The following LINGO2 variants were observed in gnomAD, a reference collection of about 807,000 sequenced individuals.
LINGO2 encodes leucine rich repeat and Ig domain containing 2.
In LINGO2, 14 loss-of-function variants were observed where a neutral mutation model predicts 30.6. That is an observed-to-expected ratio of 0.46 (90% CI 0.30 to 0.72). The LOEUF is 0.72. Among genes scored for constraint, LINGO2 ranks in the 30% least tolerant of loss-of-function variants. The pLI, the probability that LINGO2 is intolerant of heterozygous loss-of-function variation, is 0.07. For missense variants in LINGO2, 729 were observed against 751.7 expected, an observed-to-expected ratio of 0.97 and a Z score of 0.35; for synonymous variants, 317 against 288.5, an observed-to-expected ratio of 1.10 and a Z score of -1.00.
chr9:28,198,743 A>C (rs1820109102), intron 4 of LINGO2, among the ~76,000 whole-genome samples: 1 of 152,166 alleles, frequency 6.6e-6, no homozygotes, highest in South Asian at 2.1e-4. Flanking sequence ...GCTAAGAAAA[A>C]TGATGACCCT....
intron 1 of LINGO2, among the ~76,000 whole-genome samples, chr9:28,640,431 C>A (rs564064384): frequency 5.3e-5 from 8 of 151,878 alleles, no homozygotes; most frequent in Non-Finnish European, 1.2e-4. Context: ...AACTTGGTTC[C>A]ATTCTCCCCG....
upstream of LINGO2, among the ~76,000 whole-genome samples, chr9:28,671,403 G>C (rs1469924043): frequency 6.7e-6 from 1 of 149,168 alleles, no homozygotes; most frequent in African/African-American, 2.5e-5. Context: ...TGGCAGATTG[G>C]ATAAACAAAA....
intron 1 of LINGO2, among the ~76,000 whole-genome samples, chr9:28,613,552 G>T (rs148288585): frequency 1.3e-5 from 2 of 152,002 alleles, no homozygotes; most frequent in Non-Finnish European, 2.9e-5. Context: ...AATGTCAGGA[G>T]ATTGTATTTT....
At chr9:28,393,838 C>A (rs577829682) in intron 2 of LINGO2, among the ~76,000 whole-genome samples, 1 of 152,282 alleles carries the variant, frequency 6.6e-6, no homozygotes, top group South Asian at 2.1e-4. Context: ...TCCCAAGCAA[C>A]CTTCAGCTAA....
the LINGO2 span, among the ~76,000 whole-genome samples, chr9:28,828,302 T>C: frequency 4.0e-5 from 6 of 151,872 alleles, no homozygotes; most frequent in African/African-American, 9.7e-5. Flanking sequence ...CAAAATAAAA[T>C]ACAGAGGATT....
At chr9:28,011,264 A>G (rs1346326901) in intron 5 of LINGO2, among the ~76,000 whole-genome samples, 5 of 152,202 alleles carry the variant, frequency 3.3e-5, no homozygotes, top group African/African-American at 1.2e-4. Flanking sequence ...AATTTTTCGT[A>G]GGGAGGGAAA....
the LINGO2 span, among the ~76,000 whole-genome samples, chr9:28,788,328 A>G: frequency 2.0e-5 from 3 of 152,206 alleles, no homozygotes; most frequent in Admixed American, 6.5e-5. Flanking sequence ...AAGCTTTACC[A>G]TATTTTTAAA....
chr9:28,145,536 A>G (rs1166860163), intron 4 of LINGO2, among the ~76,000 whole-genome samples: 1 of 152,148 alleles, frequency 6.6e-6, no homozygotes, highest in African/African-American at 2.4e-5. Flanking sequence ...TCTGTACTCT[A>G]ATTCAGTTCT....
chr9:28,932,271 C>A, the LINGO2 span, among the ~76,000 whole-genome samples: 1 of 152,000 alleles, frequency 6.6e-6, no homozygotes, highest in African/African-American at 2.4e-5. Context: ...TGAAGTCTGG[C>A]AGTCTTTTTT....
chr9:28,432,709 C>T (rs1823727783), intron 2 of LINGO2, among the ~76,000 whole-genome samples: 1 of 152,038 alleles, frequency 6.6e-6, no homozygotes, highest in African/African-American at 2.4e-5. Flanking sequence ...ATCATGAATG[C>T]AGAATAGAAA....
At chr9:28,944,147 TTGTC>T in the LINGO2 span, among the ~76,000 whole-genome samples, 1 of 152,188 alleles carries the variant, frequency 6.6e-6, no homozygotes, top group Non-Finnish European at 1.5e-5. Context: ...ACAGTTATCT[TTGTC>T]TGTATGATAC....
the LINGO2 span, among the ~76,000 whole-genome samples, chr9:28,957,317 T>A: frequency 0.52 from 78,935 of 151,996 alleles, 21,613 homozygotes; most frequent in Non-Finnish European, 0.6. Context: ...TTACATACAA[T>A]TCCCCATGCA....
At chr9:28,453,586 A>G (rs1046378467) in intron 2 of LINGO2, among the ~76,000 whole-genome samples, 2 of 152,002 alleles carry the variant, frequency 1.3e-5, no homozygotes, top group Non-Finnish European at 2.9e-5. Context: ...AAAAGCTTTA[A>G]AATCACTACC....
chr9:28,836,524 C>T, the LINGO2 span, among the ~76,000 whole-genome samples: 2 of 152,104 alleles, frequency 1.3e-5, no homozygotes, highest in African/African-American at 4.8e-5. Flanking sequence ...CCATGTTGGT[C>T]AGGCTGGTCT....
At chr9:27,970,765 TA>T (rs1490465132) in intron 5 of LINGO2, among the ~76,000 whole-genome samples, 1 of 152,096 alleles carries the variant, frequency 6.6e-6, no homozygotes, top group Non-Finnish European at 1.5e-5. Context: ...ACTTCATGAT[TA>T]AAAACTTGGA....
At chr9:29,086,888 G>A in the LINGO2 span, among the ~76,000 whole-genome samples, 3 of 146,298 alleles carry the variant, frequency 2.1e-5, no homozygotes, top group Middle Eastern at 3.6e-3. Flanking sequence ...ATTAAGAGCA[G>A]TGATTTTTTT....
the LINGO2 span, among the ~76,000 whole-genome samples, chr9:28,730,421 A>G: frequency 1.3e-5 from 2 of 152,190 alleles, no homozygotes; most frequent in African/African-American, 4.8e-5. Flanking sequence ...AATGGAAAAA[A>G]CAAATAAATC....
At chr9:28,232,204 G>A (rs112980743) in intron 4 of LINGO2, among the ~76,000 whole-genome samples, 1 of 151,990 alleles carries the variant, frequency 6.6e-6, no homozygotes, top group African/African-American at 2.4e-5. Flanking sequence ...TTCGAGACCA[G>A]TCTGGCCATC....
chr9:28,617,424 T>G (rs891613014), intron 1 of LINGO2, among the ~76,000 whole-genome samples: 2 of 151,936 alleles, frequency 1.3e-5, no homozygotes, highest in African/African-American at 2.4e-5. Context: ...GCCTCCCCAG[T>G]AGCTGGGACT....
Sources: gnomAD v4.1 joint callset for allele counts (sites outside exome capture counted in the v4.1 genomes callset) on GRCh38, gnomAD v4.1.1 for gene constraint, MANE v1.5 for transcripts, NCBI Gene and HGNC (gene_info 2026-07-23, HGNC 2026-07-21) for gene names.